Variants in GALNT12 observed in about 807,000 individuals in gnomAD.
The protein encoded by GALNT12 is polypeptide N-acetylgalactosaminyltransferase 12.
GALNT12 carries 45 observed loss-of-function variants against 55.5 expected under a neutral mutation model. That is an observed-to-expected ratio of 0.81 (90% CI 0.64 to 1.04). The LOEUF (loss-of-function observed/expected upper bound fraction) is 1.04, where lower values mean the gene tolerates loss of function less well. GALNT12 is among the 50% of genes least tolerant of loss of function. The pLI is 0.00. For missense variants in GALNT12, 709 were observed against 754.8 expected (o/e 0.94, Z 0.71); for synonymous variants, 304 against 312.2 (o/e 0.97, Z 0.28).
At chr9:98,836,926 C>T in intron 5 of GALNT12, 46 bp from the exon 6 acceptor site, 1 of 1,599,032 alleles carries the variant, frequency 6.3e-7, no homozygotes, top group Non-Finnish European at 8.6e-7. Flanking sequence ...GGACCCGCAG[C>T]TCATCCCCTG....
At chr9:98,844,021 C>A in intron 7 of GALNT12, 75 bp from the exon 8 acceptor site, 1 of 999,002 alleles carries the variant, frequency 1.0e-6, no homozygotes, top group Non-Finnish European at 1.6e-6. Flanking sequence ...TGCCAGGTAC[C>A]CTCCCCAAGC....
chr9:98,823,309 T>C lies in GALNT12; in HGVS notation c.425T>C (p.Ile142Thr), dbSNP rs757214097. Residue 142 changes from isoleucine to threonine, a missense_variant, in exon 2 of 10, where the codon ATA becomes ACA. Physicochemically the swap from Ile to Thr is moderately conservative, Grantham distance 89 (BLOSUM62 -1). This residue lies in a region of GALNT12 where 315 missense variants were observed against 288.6 expected (regional missense o/e 1.09). Coordinates refer to ENST00000375011, the MANE Select transcript of GALNT12 (RefSeq NM_024642.5). ...AATTTGCCCAGGACATCTGTTATCA[T>C]AGCATTTTATAATGAAGCCTGGTCA... ...YDNLPRTSVI[I>T]AFYNEAWSTL... 3.1e-6 allele frequency: 5 copies of C among 1,614,106 alleles called. No homozygotes were observed. The highest frequency in any genetic ancestry group is 2.2e-5 in the East Asian group (1 of 44,882).
At chr9:98,813,303 C>CT (rs1835532298) in intron 1 of GALNT12, among the ~76,000 whole-genome samples, 1 of 152,198 alleles carries the variant, frequency 6.6e-6, no homozygotes, top group Non-Finnish European at 1.5e-5. Context: ...TATGAGATGC[C>CT]TACAGTGACC....
At chr9:98,814,274 A>G (rs1444297978) in intron 1 of GALNT12, among the ~76,000 whole-genome samples, 1 of 152,242 alleles carries the variant, frequency 6.6e-6, no homozygotes. Flanking sequence ...GATGCAGTGT[A>G]CAGTGAAGAA....
At chr9:98,821,072 G>A (rs755638266) in intron 1 of GALNT12, among the ~76,000 whole-genome samples, 3 of 152,128 alleles carry the variant, frequency 2.0e-5, no homozygotes, top group Non-Finnish European at 4.4e-5. Flanking sequence ...ACAGTGGCAC[G>A]ATCTAGGCTC....
intron 6 of GALNT12, among the ~76,000 whole-genome samples, chr9:98,837,849 G>A (rs1440659946): frequency 6.6e-6 from 1 of 152,194 alleles, no homozygotes; most frequent in Non-Finnish European, 1.5e-5. Context: ...ATGAATGTGT[G>A]TGAAAATTAG....
In GALNT12 at chr9:98,840,154, C is replaced by T. The variant is rs765151425; in HGVS notation, c.1344+21C>T. 1.6e-5 allele frequency: 25 copies of T among 1,612,294 alleles called. No individual in the cohort carries two copies. The South Asian group carries it at 2.6e-4, about 17-fold the overall frequency. ...GGATGGTGAGTGAGGGTGGTGGGCC[C>T]ACGGCAGGCAGGGACTTCCCTGGCC... is the stretch of plus-strand genomic sequence containing the variant. On this transcript the variant is annotated intron_variant, in intron 7 of 9. Coordinates refer to ENST00000375011, the MANE Select transcript of GALNT12 (RefSeq NM_024642.5).
chr9:98,807,899 G>T lies in GALNT12; in HGVS notation c.201G>T (p.Arg67=). The change falls in exon 1 of 10, where the codon CGG becomes CGT. Residue 67 remains arginine (R), a synonymous_variant. Coordinates refer to ENST00000375011, the MANE Select transcript of GALNT12 (RefSeq NM_024642.5). The stretch of plus-strand genomic sequence containing the variant: ...GGCGGCGCGAGCCGGTCATGCCGCG[G>T]CCGCCGGTGCCGGCGAACGCGCTGG... ...RPGRREPVMP[R]PPVPANALGA... 8.6e-7 allele frequency: 1 copy of T among 1,168,444 alleles called. No individual in the cohort carries two copies. The highest frequency in any genetic ancestry group is 1.1e-6 in the Non-Finnish European group (1 of 947,814). 72.4% of individuals were successfully genotyped at this position (1,168,444 alleles called of 1,614,324 possible).
intron 9 of GALNT12, among the ~76,000 whole-genome samples, chr9:98,846,623 G>T (rs182579664): frequency 9.7e-4 from 148 of 152,152 alleles, no homozygotes; most frequent in African/African-American, 3.3e-3. Flanking sequence ...ACTTTGGGAG[G>T]CCAAGGCAGG....
At chr9:98,836,142 C>G (rs1588453097) in intron 5 of GALNT12, among the ~76,000 whole-genome samples, 1 of 152,162 alleles carries the variant, frequency 6.6e-6, no homozygotes. Context: ...CAAGATTCTG[C>G]TTTTTGTAAC....
intron 1 of GALNT12, among the ~76,000 whole-genome samples, chr9:98,816,071 A>T (rs1441037012): frequency 6.6e-6 from 1 of 152,224 alleles, no homozygotes; most frequent in Non-Finnish European, 1.5e-5. Context: ...TTCCTCATGC[A>T]GCCATACTAT....
In GALNT12 at chr9:98,849,144, G is replaced by C; in HGVS notation, c.*52G>C. 6.2e-7 allele frequency: 1 copy of C among 1,600,706 alleles called. No individual in the cohort carries two copies. The highest frequency in any genetic ancestry group is 8.6e-7 in the Non-Finnish European group (1 of 1,168,658). ...AAGGAGACTGTGGAGCCAGGACTCT[G>C]CCCAACAAAGACTTAGCTAAGCAGT... On this transcript the variant is annotated 3_prime_UTR_variant, in exon 10 of 10. Coordinates refer to ENST00000375011, the MANE Select transcript of GALNT12 (RefSeq NM_024642.5).
intron 4 of GALNT12, among the ~76,000 whole-genome samples, chr9:98,832,924 G>A (rs1425995783): frequency 2.6e-5 from 4 of 152,064 alleles, no homozygotes; most frequent in African/African-American, 7.2e-5. Flanking sequence ...TATGAACATC[G>A]GTGTACTTTT....
At position 98,808,008 on chromosome 9, in the gene GALNT12, A is replaced by C; in HGVS notation, c.310A>C (p.Asn104His). ...QEESVRLHQI[N>H]IYLSDRISLH... ...GGAGAGCGTGCGGCTGCACCAGATT[A>C]ACATCTACCTCAGCGACCGCATCTC... The change falls in exon 1 of 10, where the codon AAC becomes CAC. Residue 104 changes from asparagine to histidine, a missense_variant. By Grantham distance (68) the Asn-to-His change is moderately conservative. Coordinates refer to ENST00000375011, the MANE Select transcript of GALNT12 (RefSeq NM_024642.5). The C allele has an allele frequency of 2.6e-6, 4 of 1,559,732 alleles. No individual in the cohort carries two copies. Among genetic ancestry groups the C allele is most frequent in the Non-Finnish European group, 3.5e-6 (4 of 1,156,010 alleles).
chr9:98,846,419 T>G (rs1392185089), intron 9 of GALNT12, among the ~76,000 whole-genome samples: 1 of 152,170 alleles, frequency 6.6e-6, no homozygotes, highest in Non-Finnish European at 1.5e-5. Context: ...GGCACCGACA[T>G]GGAAACAGCT....
At chr9:98,836,865 C>A in intron 5 of GALNT12, 107 bp from the exon 6 acceptor site, 2 of 1,164,414 alleles carry the variant, frequency 1.7e-6, no homozygotes, top group Non-Finnish European at 2.6e-6. Context: ...AGCATCTTGG[C>A]AGTGTCCATC....
intron 1 of GALNT12, among the ~76,000 whole-genome samples, chr9:98,816,646 A>G (rs1350869736): frequency 6.6e-6 from 1 of 150,670 alleles, no homozygotes; most frequent in Non-Finnish European, 1.5e-5. Context: ...AGTGTAAGCA[A>G]TTAACTTTTT....
At chr9:98,821,347 C>T (rs1178551458) in intron 1 of GALNT12, among the ~76,000 whole-genome samples, 1 of 151,924 alleles carries the variant, frequency 6.6e-6, no homozygotes, top group East Asian at 2.0e-4. Context: ...TCTGGCCAGG[C>T]GCGGTGGCTC....
chr9:98,823,248 A>G lies in GALNT12; in HGVS notation c.372-8A>G, dbSNP rs749861743. The G allele has an allele frequency of 6.2e-7, 1 of 1,613,942 alleles. No homozygotes were observed. The highest frequency in any genetic ancestry group is 1.1e-5 in the South Asian group (1 of 91,072). Reference sequence around the variant, plus strand: ...TCCTGAGTTCCTGAAGTTCCGCTGTATTTGCAGGTGCAAAGAGAAGAAATA... The same window carrying G: ...TCCTGAGTTCCTGAAGTTCCGCTGTGTTTGCAGGTGCAAAGAGAAGAAATA... On this transcript the variant is annotated splice_polypyrimidine_tract_variant and splice_region_variant and intron_variant, in intron 1 of 9. Coordinates refer to ENST00000375011, the MANE Select transcript of GALNT12 (RefSeq NM_024642.5).
Sources: gnomAD v4.1 joint callset for allele counts (sites outside exome capture counted in the v4.1 genomes callset) on GRCh38, gnomAD v4.1.1 for gene constraint, gnomAD v4.1.1 regional missense constraint, MANE v1.5 for transcripts, NCBI Gene and HGNC (gene_info 2026-07-23, HGNC 2026-07-21) for gene names.